Variants in SAE1 observed in about 807,000 individuals in gnomAD.
SAE1 encodes SUMO1 activating enzyme subunit 1, also known as SUMO-activating enzyme subunit 1.
Under a neutral mutation model 40.6 loss-of-function variants are expected in SAE1, and 11 were observed. That is an observed-to-expected ratio of 0.27 (90% CI 0.17 to 0.45). The LOEUF is 0.45. SAE1 is among the 20% of genes least tolerant of loss of function. The probability of loss-of-function intolerance (pLI) is 1.00; values close to 1 mark genes in which losing one functional copy is unlikely to be tolerated. For synonymous variants in SAE1, 155 were observed against 154.3 expected (o/e 1.00, Z -0.03); for missense variants, 373 against 427.3 (o/e 0.87, Z 1.12).
At chr19:47,167,256 C>T (rs951954847) in intron 5 of SAE1, among the ~76,000 whole-genome samples, 1 of 151,452 alleles carries the variant, frequency 6.6e-6, no homozygotes, top group Non-Finnish European at 1.5e-5. Context: ...ACCCGGCCTG[C>T]GCCCAGATAA....
At chr19:47,203,586 G>T in intron 7 of SAE1, 85 bp from the exon 8 acceptor site, 1 of 1,223,664 alleles carries the variant, frequency 8.2e-7, no homozygotes, top group Non-Finnish European at 1.2e-6. Context: ...TTTTATTCAG[G>T]AGAGCCTACT....
chr19:47,191,969 G>T (rs897324159), intron 6 of SAE1, among the ~76,000 whole-genome samples: 6 of 151,592 alleles, frequency 4.0e-5, no homozygotes, highest in Non-Finnish European at 8.8e-5. Flanking sequence ...CAGGAGAATG[G>T]CGTGAACCCG....
chr19:47,204,191 T>C (rs1460171407), intron 8 of SAE1, among the ~76,000 whole-genome samples: 2 of 126,744 alleles, frequency 1.6e-5, no homozygotes, highest in Admixed American at 1.6e-4. Context: ...CCCTCCCTTT[T>C]TTTTTTTTTT....
intron 5 of SAE1, among the ~76,000 whole-genome samples, chr19:47,167,612 A>G (rs1437159461): frequency 6.6e-6 from 1 of 152,168 alleles, no homozygotes; most frequent in Non-Finnish European, 1.5e-5. Context: ...GGTAACTGAT[A>G]GATCTTGGTT....
intron 2 of SAE1, among the ~76,000 whole-genome samples, chr19:47,149,689 C>T (rs2123206192): frequency 6.6e-6 from 1 of 152,178 alleles, no homozygotes; most frequent in South Asian, 2.1e-4. Flanking sequence ...CAAGGGGGTG[C>T]TCTTTAACCA....
chr19:47,173,664 C>T (rs1166141389), intron 6 of SAE1, among the ~76,000 whole-genome samples: 1 of 152,140 alleles, frequency 6.6e-6, no homozygotes, highest in African/African-American at 2.4e-5. Flanking sequence ...CCAGTAATAT[C>T]TCCCCACCCA....
rs148423503 is a variant in SAE1 at position 47,139,707 on chromosome 19, G to C, written c.99-3787G>C. 7.0e-3 allele frequency among the ~76,000 whole-genome samples: 1,043 copies of C among 148,902 alleles called. 11 individuals are homozygous for C. The highest frequency in any genetic ancestry group is 0.025 in the African/African-American group (1,008 of 40,398). ...GGGTTCACACCATTCTCCTGTCTCA[G>C]CCTCCCGAGTAGCTGGGACTACAGG... On this transcript the variant is annotated intron_variant, in intron 1 of 8. Coordinates refer to ENST00000270225, the MANE Select transcript of SAE1 (RefSeq NM_005500.3).
At chr19:47,141,042 C>T (rs909974315) in intron 1 of SAE1, among the ~76,000 whole-genome samples, 4 of 151,746 alleles carry the variant, frequency 2.6e-5, no homozygotes, top group African/African-American at 9.7e-5. Context: ...AACAGAGTCT[C>T]GCTGTGTCAC....
intron 5 of SAE1, among the ~76,000 whole-genome samples, chr19:47,166,774 A>ATATT (rs1365672580): frequency 2.0e-5 from 3 of 152,196 alleles, no homozygotes; most frequent in Non-Finnish European, 4.4e-5. Context: ...CTGGTGGTCT[A>ATATT]TATAGCAGGC....
intron 6 of SAE1, among the ~76,000 whole-genome samples, chr19:47,179,409 A>C (rs2080462843): frequency 1.3e-5 from 2 of 151,238 alleles, no homozygotes; most frequent in South Asian, 4.2e-4. Context: ...TGGGAGGCTG[A>C]GGCAGGAGAA....
chr19:47,187,170 G>A (rs1170294430), intron 6 of SAE1, among the ~76,000 whole-genome samples: 1 of 152,090 alleles, frequency 6.6e-6, no homozygotes, highest in African/African-American at 2.4e-5. Flanking sequence ...GCAAGATGCC[G>A]TGAATGGTTA....
intron 2 of SAE1, among the ~76,000 whole-genome samples, chr19:47,148,231 G>A (rs868023281): frequency 6.6e-6 from 1 of 152,102 alleles, no homozygotes; most frequent in Middle Eastern, 3.4e-3. Flanking sequence ...CACATAATGA[G>A]ATCCCTGAAG....
intron 2 of SAE1, among the ~76,000 whole-genome samples, chr19:47,147,152 G>A (rs2058259112): frequency 6.7e-6 from 1 of 148,826 alleles, no homozygotes; most frequent in East Asian, 2.0e-4. Flanking sequence ...CAAGGAAGGT[G>A]TGATCTGTGG....
At chr19:47,192,959 T>C (rs2058588617) in intron 6 of SAE1, among the ~76,000 whole-genome samples, 1 of 152,084 alleles carries the variant, frequency 6.6e-6, no homozygotes, top group Non-Finnish European at 1.5e-5. Flanking sequence ...ATTTATTTAC[T>C]ACAATCGGAA....
At chr19:47,202,665 G>T (rs914560641) in intron 7 of SAE1, among the ~76,000 whole-genome samples, 3 of 151,800 alleles carry the variant, frequency 2.0e-5, no homozygotes, top group African/African-American at 7.2e-5. Context: ...TGTAATCCCA[G>T]CGCTTTGGGA....
chr19:47,148,337 G>A (rs751530429), intron 2 of SAE1, among the ~76,000 whole-genome samples: 1 of 152,042 alleles, frequency 6.6e-6, no homozygotes, highest in Non-Finnish European at 1.5e-5. Context: ...GATAGAGAGT[G>A]TGCTGTGGAT....
intron 2 of SAE1, 56 bp from the exon 3 acceptor site, chr19:47,150,146 A>T: frequency 8.1e-7 from 1 of 1,232,182 alleles, no homozygotes; most frequent in Non-Finnish European, 1.1e-6. Flanking sequence ...GATTCTTTTT[A>T]AGATTTATTT....
At chr19:47,160,257 T>C (rs1237387580) in intron 5 of SAE1, among the ~76,000 whole-genome samples, 1 of 132,652 alleles carries the variant, frequency 7.5e-6, no homozygotes, top group African/African-American at 2.8e-5. Context: ...AGTCTCACTC[T>C]ATCACCCAAG....
At chr19:47,165,379 C>T (rs1442619327) in intron 5 of SAE1, among the ~76,000 whole-genome samples, 4 of 152,118 alleles carry the variant, frequency 2.6e-5, no homozygotes, top group Admixed American at 6.6e-5. Flanking sequence ...TGTGAGCCAC[C>T]GCACCCGGCC....
Sources: gnomAD v4.1 joint callset for allele counts (sites outside exome capture counted in the v4.1 genomes callset) on GRCh38, gnomAD v4.1.1 for gene constraint, MANE v1.5 for transcripts, NCBI Gene and HGNC (gene_info 2026-07-23, HGNC 2026-07-21) for gene names.